The following TIMP3 variants were observed in gnomAD, a reference collection of about 807,000 sequenced individuals.
TIMP3 encodes the protein TIMP metallopeptidase inhibitor 3.
TIMP3 carries 11 observed loss-of-function variants against 30.0 expected under a neutral mutation model. The observed-to-expected ratio is 0.37, with a 90% CI of 0.23 to 0.61. The LOEUF is 0.61. Ranked by LOEUF, TIMP3 falls within the 20% of genes least tolerant of loss-of-function variation. TIMP3 has a pLI of 0.70. For synonymous variants in TIMP3, 112 were observed against 111.3 expected, an observed-to-expected ratio of 1.01 and a Z score of -0.04; for missense variants, 181 against 276.8, an observed-to-expected ratio of 0.65 and a Z score of 2.45.
chr22:32,827,346 T>G (rs2047442174), intron 1 of TIMP3, among the ~76,000 whole-genome samples: 1 of 152,232 alleles, frequency 6.6e-6, no homozygotes, highest in Non-Finnish European at 1.5e-5. Flanking sequence ...GCTGCATAGC[T>G]CAGGCTGGGC....
intron 1 of TIMP3, among the ~76,000 whole-genome samples, chr22:32,814,943 A>T (rs5754297): frequency 0.049 from 7,393 of 152,330 alleles, 219 homozygotes; most frequent in African/African-American, 0.062. Context: ...TATGTATAAA[A>T]TATGACCATT....
chr22:32,837,864 T>C lies in TIMP3; in HGVS notation c.122-11588T>C, dbSNP rs184219982. Among the ~76,000 whole-genome samples, 13 of 152,314 alleles carry C rather than the reference T, an allele frequency of 8.5e-5. No individual in the cohort carries two copies. Among genetic ancestry groups the C allele is most frequent in the Admixed American group, 1.3e-4 (2 of 15,310 alleles). On this transcript the variant is annotated intron_variant, in intron 1 of 4. Coordinates refer to ENST00000266085, the MANE Select transcript of TIMP3 (RefSeq NM_000362.5). This position sits in a 1 kb window ranked among gnomAD's most constrained non-coding sequence, Gnocchi z 4.1. ...CACTGCAAGGCACCCCTGTACTTTG[T>C]TGGACTCTCTGTTTTCTGTCTCTCC... is the stretch of plus-strand genomic sequence containing the variant.
At chr22:32,829,352 C>T (rs1016793850) in intron 1 of TIMP3, among the ~76,000 whole-genome samples, 3 of 152,240 alleles carry the variant, frequency 2.0e-5, no homozygotes, top group Non-Finnish European at 2.9e-5. Flanking sequence ...AAACAGTGGA[C>T]GGAGCAAGGC....
intron 1 of TIMP3, among the ~76,000 whole-genome samples, chr22:32,803,677 A>T (rs2046650739): frequency 6.6e-6 from 1 of 152,120 alleles, no homozygotes; most frequent in African/African-American, 2.4e-5. Flanking sequence ...AGTTGGTAAC[A>T]TTCCCACCTG....
At chr22:32,805,363 TTTC>T (rs2046700256) in intron 1 of TIMP3, among the ~76,000 whole-genome samples, 1 of 152,124 alleles carries the variant, frequency 6.6e-6, no homozygotes. Flanking sequence ...AAGAAGCCAT[TTTC>T]AAAGAAACCA....
intron 1 of TIMP3, among the ~76,000 whole-genome samples, chr22:32,827,858 C>T (rs2047457773): frequency 6.6e-6 from 1 of 152,166 alleles, no homozygotes; most frequent in Admixed American, 6.5e-5. Flanking sequence ...TCCTCTCTTC[C>T]AGGAACACCT....
rs564784753 is a variant in TIMP3, at chr22:32,817,477, G to A, written c.121+15355G>A. Among the ~76,000 whole-genome samples, 30 of 152,282 alleles carry A rather than the reference G, an allele frequency of 2.0e-4. No homozygotes were observed. In the East Asian group the frequency reaches 2.9e-3, roughly 15 times the overall value. ...TGCCCACTTGCCTGCCATTGTGATTGCTGAGTAGGGAAGAAGAAATTAGGA... is the reference window on the plus strand; with the variant it reads ...TGCCCACTTGCCTGCCATTGTGATTACTGAGTAGGGAAGAAGAAATTAGGA... On this transcript the variant is annotated intron_variant, in intron 1 of 4. Transcript: ENST00000266085.
chr22:32,829,686 C>T (rs556811878), intron 1 of TIMP3, among the ~76,000 whole-genome samples: 18 of 152,376 alleles, frequency 1.2e-4, no homozygotes, highest in African/African-American at 3.8e-4. Flanking sequence ...TGCCGGTCCC[C>T]GGGCACTGAC....
intron 1 of TIMP3, among the ~76,000 whole-genome samples, chr22:32,827,163 G>C (rs2047436603): frequency 6.6e-6 from 1 of 152,196 alleles, no homozygotes; most frequent in Admixed American, 6.5e-5. Flanking sequence ...GTGAGGGCAG[G>C]AGAGATGAGC....
chr22:32,827,934 C>T (rs757101577), intron 1 of TIMP3, among the ~76,000 whole-genome samples: 12 of 152,190 alleles, frequency 7.9e-5, no homozygotes, highest in East Asian at 1.9e-4. Context: ...ATGTCACCTT[C>T]GTAGAGAGGC....
At chr22:32,859,063 C>A (rs1167219235) in intron 4 of TIMP3, 117 bp from the exon 5 acceptor site, 4 of 905,780 alleles carry the variant, frequency 4.4e-6, no homozygotes, top group Non-Finnish European at 7.4e-6. Flanking sequence ...CACTGAGGGA[C>A]TGATGTGGCT....
intron 1 of TIMP3, among the ~76,000 whole-genome samples, chr22:32,815,826 C>A (rs919921277): frequency 6.6e-6 from 1 of 152,142 alleles, no homozygotes; most frequent in Non-Finnish European, 1.5e-5. Context: ...TCCGAGCAAT[C>A]TCACCAATTC....
chr22:32,841,161 C>T (rs1054976324), intron 1 of TIMP3, among the ~76,000 whole-genome samples: 3 of 152,228 alleles, frequency 2.0e-5, no homozygotes, highest in African/African-American at 4.8e-5. Flanking sequence ...TATGAGGTGC[C>T]TGTTATGTGC....
At chr22:32,809,575 G>A (rs959480123) in intron 1 of TIMP3, among the ~76,000 whole-genome samples, 1 of 152,070 alleles carries the variant, frequency 6.6e-6, no homozygotes, top group African/African-American at 2.4e-5. Flanking sequence ...TTCTGTGTTT[G>A]GAACAGTTAT....
chr22:32,815,578 A>G (rs1446713166), intron 1 of TIMP3, among the ~76,000 whole-genome samples: 1 of 152,242 alleles, frequency 6.6e-6, no homozygotes, highest in African/African-American at 2.4e-5. Context: ...GGAATTAAAT[A>G]TGAAAGCAGC....
chr22:32,824,444 C>G (rs1313148476), intron 1 of TIMP3, among the ~76,000 whole-genome samples: 1 of 151,388 alleles, frequency 6.6e-6, no homozygotes, highest in South Asian at 2.1e-4. Flanking sequence ...GTCTTTAAAC[C>G]CCGTAGTCAT....
At chr22:32,826,718 C>T (rs575680699) in intron 1 of TIMP3, among the ~76,000 whole-genome samples, 2 of 152,300 alleles carry the variant, frequency 1.3e-5, no homozygotes, top group South Asian at 2.1e-4. Context: ...AAATGTACTA[C>T]GTGTCTTCAG....
intron 1 of TIMP3, among the ~76,000 whole-genome samples, chr22:32,842,121 A>G (rs73158349): frequency 6.6e-6 from 1 of 152,074 alleles, no homozygotes; most frequent in Admixed American, 6.5e-5. Flanking sequence ...ATCTGCTGGG[A>G]TGGGAAGTGA....
intron 1 of TIMP3, among the ~76,000 whole-genome samples, chr22:32,846,767 T>G (rs1273403153): frequency 1.3e-5 from 2 of 152,322 alleles, no homozygotes; most frequent in African/African-American, 4.8e-5. Flanking sequence ...GGCACTGGGC[T>G]AAGAAAGCCA....
Sources: allele counts gnomAD v4.1 joint callset (sites outside exome capture counted in the v4.1 genomes callset), GRCh38; gene constraint gnomAD v4.1.1; non-coding constraint Gnocchi (gnomAD v3.1); transcripts MANE v1.5; gene names NCBI Gene and HGNC (gene_info 2026-07-23, HGNC 2026-07-21).